The following CD79A variants were observed in gnomAD, a reference collection of about 807,000 sequenced individuals.
CD79A encodes CD79a molecule.
A neutral mutation model predicts 27.4 loss-of-function variants in CD79A; 16 were observed. That is an observed-to-expected ratio of 0.58 (90% confidence interval 0.40 to 0.89). The LOEUF is 0.89. Ranked by LOEUF, CD79A falls within the 40% of genes least tolerant of loss-of-function variation. The probability of loss-of-function intolerance (pLI) is 0.00; values close to 1 mark genes in which losing one functional copy is unlikely to be tolerated. For synonymous variants in CD79A, 110 were observed against 132.7 expected, an observed-to-expected ratio of 0.83 and a Z score of 1.18; for missense variants, 237 against 299.7, an observed-to-expected ratio of 0.79 and a Z score of 1.55.
In CD79A at chr19:41,878,731, G is replaced by A. The variant is rs2074202819; in HGVS notation, c.80-259G>A. Among the ~76,000 whole-genome samples, 1 of 151,966 alleles carries A rather than the reference G, an allele frequency of 6.6e-6. No homozygotes were observed. The highest frequency in any genetic ancestry group is 2.4e-5 in the African/African-American group (1 of 41,346). ...CCTCCCAGGGGTCTTACCATCCCAG[G>A]GAGTCTCATTCTCCTCTCCCAGGAT... On this transcript the variant is annotated intron_variant, in intron 1 of 4. Coordinates refer to ENST00000221972, the MANE Select transcript of CD79A (RefSeq NM_001783.4). The surrounding 1 kb of genome is among the most constrained non-coding windows in gnomAD (Gnocchi z 4.3).
Position 41,879,413 on chromosome 19 carries a change from G to A in CD79A, c.380-122G>A. Reference sequence around the variant, plus strand: ...TCAAACCGGCTTGGACAGAGGGACGGACATTCTCCTCTGCAGAGTGGGGTC... The same window carrying A: ...TCAAACCGGCTTGGACAGAGGGACGAACATTCTCCTCTGCAGAGTGGGGTC... On this transcript the variant is annotated intron_variant, in intron 2 of 4. Transcript: ENST00000221972. This position sits in a 1 kb window ranked among gnomAD's most constrained non-coding sequence, Gnocchi z 5.1. 8.2e-7 allele frequency: 1 copy of A among 1,219,468 alleles called. No individual in the cohort carries two copies. Among genetic ancestry groups the A allele is most frequent in the Non-Finnish European group, 1.2e-6 (1 of 855,806 alleles). The allele number at this position is 1,219,468 out of a possible 1,614,324, so 75.5% of individuals were successfully genotyped here.
In CD79A at chr19:41,881,243, T is replaced by C. The variant is rs1411465256; in HGVS notation, c.*263T>C. 1.9e-5 allele frequency: 11 copies of C among 566,352 alleles called. No homozygotes were observed. Among genetic ancestry groups the C allele is most frequent in the African/African-American group, 1.9e-4 (10 of 53,284 alleles). The allele number at this position is 566,352 out of a possible 1,614,324, so 35.1% of individuals were successfully genotyped here. On this transcript the variant is annotated 3_prime_UTR_variant, in exon 5 of 5. Coordinates refer to ENST00000221972, the MANE Select transcript of CD79A (RefSeq NM_001783.4). ...CCCCGCTGCCTTTCCCAGGCTCCCC[T>C]CACCCCAGCGGGTAATGAGCCCTTA... is the stretch of plus-strand genomic sequence containing the variant.
rs782657446 is a variant in CD79A, at chr19:41,879,244, A to G, written c.334A>G (p.Asn112Asp). ...GIYVCRVQEG[N>D]ESYQQSCGTY... ...ATACGTGTGCCGGGTCCAGGAGGGC[A>G]ACGAGTCATACCAGCAGTCCTGCGG... The change falls in exon 2 of 5, where the codon AAC becomes GAC. Residue 112 changes from asparagine to aspartate, a missense_variant. By Grantham distance (23) the Asn-to-Asp change is conservative. Transcript: ENST00000221972. The surrounding 1 kb of genome is among the most constrained non-coding windows in gnomAD (Gnocchi z 5.1). 29 of 1,613,524 alleles carry G rather than the reference A, an allele frequency of 1.8e-5. No individual in the cohort carries two copies. The highest frequency in any genetic ancestry group is 2.5e-5 in the Non-Finnish European group (29 of 1,180,014).
chr19:41,880,390 AAAGAG>A (rs2074214347), intron 3 of CD79A, among the ~76,000 whole-genome samples: 2 of 137,450 alleles, frequency 1.5e-5, no homozygotes. Flanking sequence ...AGAGAGAGAG[AAAGAG>A]AGAGAGAGAG....
rs1555843419 is a variant in CD79A at position 41,878,952 on chromosome 19, T to TC, written c.80-34dup. On this transcript the variant is annotated intron_variant, in intron 1 of 4. Transcript: ENST00000221972. The surrounding 1 kb of genome is among the most constrained non-coding windows in gnomAD (Gnocchi z 4.3). ...CCAGGGCTGGGGAAATGTGTCACCA[T>TC]CCCCAGTCCCTGACCCACCCACCCT... 6.8e-7 allele frequency: 1 copy of TC among 1,472,044 alleles called. No individual in the cohort carries two copies. Among genetic ancestry groups the TC allele is most frequent in the Admixed American group, 1.7e-5 (1 of 59,286 alleles). The allele number at this position is 1,472,044 out of a possible 1,614,324, so 91.2% of individuals were successfully genotyped here. A position where few individuals can be genotyped will look rare whatever the true frequency, so the allele number is the denominator to read the frequency against.
rs1555843509 is a variant in CD79A, at chr19:41,879,119, T to A, written c.209T>A (p.Leu70His). 5 of 1,613,994 alleles carry A rather than the reference T, an allele frequency of 3.1e-6. No individual in the cohort carries two copies. In the African/African-American group the frequency reaches 6.7e-5, roughly 22 times the overall value. Residue 70 changes from leucine (L) to histidine (H), a missense_variant, in exon 2 of 5, where the codon CTC becomes CAC. By Grantham distance (99) the Leu-to-His change is moderately conservative (BLOSUM62 -3). Transcript: ENST00000221972. This position sits in a 1 kb window ranked among gnomAD's most constrained non-coding sequence, Gnocchi z 5.1. ...NNANVTWWRVLHGNYTWPPEF... is the reference protein window; with the variant it reads ...NNANVTWWRVHHGNYTWPPEF... ...GCCAACGTCACCTGGTGGCGCGTCC[T>A]CCATGGCAACTACACGTGGCCCCCT...
In CD79A at chr19:41,879,955, C is replaced by T. The variant is rs1600632039; in HGVS notation, c.498+302C>T. 1.3e-5 allele frequency among the ~76,000 whole-genome samples: 2 copies of T among 152,226 alleles called. No homozygotes were observed. Among genetic ancestry groups the T allele is most frequent in the South Asian group, 4.2e-4 (2 of 4,816 alleles). ...TGTCCTCACTCCCCTCCTGCCCTCA[C>T]CCAGGAGTGTGGTTACCCTCCAGGT... On this transcript the variant is annotated intron_variant, in intron 3 of 4. Coordinates refer to ENST00000221972, the MANE Select transcript of CD79A (RefSeq NM_001783.4). This position sits in a 1 kb window ranked among gnomAD's most constrained non-coding sequence, Gnocchi z 5.1.
At position 41,878,137 on chromosome 19, in the gene CD79A, C is replaced by T. The variant is rs1387257364; in HGVS notation, c.79+754C>T. Among the ~76,000 whole-genome samples the T allele has an allele frequency of 1.3e-5, 2 of 152,056 alleles. No individual in the cohort carries two copies. Among genetic ancestry groups the T allele is most frequent in the Admixed American group, 6.5e-5 (1 of 15,268 alleles). ...TGGACACTGCAGCCAGCCTGAGCCG[C>T]CTCGTCTCACTCAGAGACACCCCCA... On this transcript the variant is annotated intron_variant, in intron 1 of 4. Coordinates refer to ENST00000221972, the MANE Select transcript of CD79A (RefSeq NM_001783.4). The surrounding 1 kb of genome is among the most constrained non-coding windows in gnomAD (Gnocchi z 4.3).
Position 41,879,241 on chromosome 19 carries a change from G to T in CD79A, c.331G>T (p.Gly111Cys). 1 of 1,613,602 alleles carries T rather than the reference G, an allele frequency of 6.2e-7. No homozygotes were observed. Among genetic ancestry groups the T allele is most frequent in the South Asian group, 1.1e-5 (1 of 91,088 alleles). Residue 111 changes from glycine to cysteine, a missense_variant, in exon 2 of 5, where the codon GGC becomes TGC. By Grantham distance (159) the Gly-to-Cys change is radical. Transcript: ENST00000221972. This position sits in a 1 kb window ranked among gnomAD's most constrained non-coding sequence, Gnocchi z 5.1. ...CATATACGTGTGCCGGGTCCAGGAG[G>T]GCAACGAGTCATACCAGCAGTCCTG... ...GGIYVCRVQE[G>C]NESYQQSCGT...
Position 41,879,232 on chromosome 19 carries a change from G to A in CD79A, c.322G>A (p.Val108Ile). The change falls in exon 2 of 5, where the codon GTC (valine) becomes ATC (isoleucine). Residue 108 changes from valine to isoleucine, a missense_variant. Physicochemically the swap from Val to Ile is conservative, Grantham distance 29. Transcript: ENST00000221972. This position sits in a 1 kb window ranked among gnomAD's most constrained non-coding sequence, Gnocchi z 5.1. ...CCATGGGGGCATATACGTGTGCCGGGTCCAGGAGGGCAACGAGTCATACCA... is the reference window on the plus strand; with the variant it reads ...CCATGGGGGCATATACGTGTGCCGGATCCAGGAGGGCAACGAGTCATACCA... ...KSHGGIYVCR[V>I]QEGNESYQQS... 6.2e-7 allele frequency: 1 copy of A among 1,613,662 alleles called. No homozygotes were observed. Among genetic ancestry groups the A allele is most frequent in the Non-Finnish European group, 8.5e-7 (1 of 1,179,996 alleles).
rs151224661 is a variant in CD79A at position 41,879,098 on chromosome 19, A to T, written c.188A>T (p.Asn63Ile). ...CCGCACAATAGCAGCAACAACGCCA[A>T]CGTCACCTGGTGGCGCGTCCTCCAT... ...QCPHNSSNNA[N>I]VTWWRVLHGN... Residue 63 changes from asparagine (N) to isoleucine (I), a missense_variant, in exon 2 of 5, where the codon AAC becomes ATC. Coordinates refer to ENST00000221972, the MANE Select transcript of CD79A (RefSeq NM_001783.4). The surrounding 1 kb of genome is among the most constrained non-coding windows in gnomAD (Gnocchi z 5.1). The T allele has an allele frequency of 8.7e-6, 14 of 1,613,878 alleles. No individual in the cohort carries two copies. In the South Asian group the frequency reaches 8.8e-5, roughly 10 times the overall value.
At position 41,879,211 on chromosome 19, in the gene CD79A, G is replaced by A. The variant is rs117078414; in HGVS notation, c.301G>A (p.Gly101Arg). ...LIIQNVNKSH[G>R]GIYVCRVQEG... Reference sequence around the variant, plus strand: ...CATCCAGAATGTGAACAAGAGCCATGGGGGCATATACGTGTGCCGGGTCCA... The same window carrying A: ...CATCCAGAATGTGAACAAGAGCCATAGGGGCATATACGTGTGCCGGGTCCA... The change falls in exon 2 of 5, where the codon GGG becomes AGG. Residue 101 changes from glycine (G) to arginine (R), a missense_variant. Coordinates refer to ENST00000221972, the MANE Select transcript of CD79A (RefSeq NM_001783.4). The surrounding 1 kb of genome is among the most constrained non-coding windows in gnomAD (Gnocchi z 5.1). The A allele has an allele frequency of 5.4e-5, 87 of 1,613,878 alleles. No homozygotes were observed. The East Asian group carries it at 1.7e-3, about 32-fold the overall frequency.
chr19:41,877,496 A>T lies in CD79A; in HGVS notation c.79+113A>T. The T allele has an allele frequency of 1.1e-6, 1 of 874,942 alleles. No homozygotes were observed. Among genetic ancestry groups the T allele is most frequent in the South Asian group, 1.4e-5 (1 of 73,116 alleles). The allele number at this position is 874,942 out of a possible 1,614,324, so 54.2% of individuals were successfully genotyped here. ...GGGAAAGGGGAAGAGGAGGCAGAGG[A>T]TAGGGGACCCAGGGAAGATGCCTAT... is the stretch of plus-strand genomic sequence containing the variant. On this transcript the variant is annotated intron_variant, in intron 1 of 4. Transcript: ENST00000221972. The surrounding 1 kb of genome is among the most constrained non-coding windows in gnomAD (Gnocchi z 4.1).
At chr19:41,880,311 T>C (rs1366353607) in intron 3 of CD79A, among the ~76,000 whole-genome samples, 1 of 150,082 alleles carries the variant, frequency 6.7e-6, no homozygotes, top group African/African-American at 2.5e-5. Flanking sequence ...AGCCCAGGAG[T>C]TCAAGGCTGC....
rs1449458577 is a variant in CD79A, at chr19:41,881,162, G to A, written c.*182G>A. The A allele has an allele frequency of 4.3e-5, 28 of 652,196 alleles. No homozygotes were observed. Among genetic ancestry groups the A allele is most frequent in the Non-Finnish European group, 5.3e-5 (19 of 358,656 alleles). 40.4% of individuals were successfully genotyped at this position (652,196 alleles called of 1,614,324 possible). On this transcript the variant is annotated 3_prime_UTR_variant, in exon 5 of 5. Transcript: ENST00000221972. ...GCCAGGCCTCCTTGGACTCCCCTGG[G>A]GGTGTCCCACTCTTCTTCCCTCTAA...
Position 41,881,253 on chromosome 19 carries a change from G to A in CD79A, c.*273G>A, listed in dbSNP as rs1484989522. 1.3e-5 allele frequency: 7 copies of A among 557,496 alleles called. No homozygotes were observed. In the East Asian group the frequency reaches 2.1e-4, roughly 17 times the overall value. The allele number at this position is 557,496 out of a possible 1,614,324, so 34.5% of individuals were successfully genotyped here. ...TTTCCCAGGCTCCCCTCACCCCAGC[G>A]GGTAATGAGCCCTTAATCGCTGCCT... is the stretch of plus-strand genomic sequence containing the variant. On this transcript the variant is annotated 3_prime_UTR_variant, in exon 5 of 5. Transcript: ENST00000221972.
rs1163749111 is a variant in CD79A, at chr19:41,881,195, C to A, written c.*215C>A. On this transcript the variant is annotated 3_prime_UTR_variant, in exon 5 of 5. Transcript: ENST00000221972. The stretch of plus-strand genomic sequence containing the variant: ...CACTCTTCTTCCCTCTAAACTGCCC[C>A]ACCTCCTAACCTAATCCCCCCGCCC... The A allele has an allele frequency of 1.6e-5, 10 of 617,108 alleles. No homozygotes were observed. Among genetic ancestry groups the A allele is most frequent in the Admixed American group, 2.5e-5 (1 of 40,246 alleles). 38.2% of individuals were successfully genotyped at this position (617,108 alleles called of 1,614,324 possible).
In CD79A at chr19:41,880,451, GGGAAGGAAGGAAGGAAGGAAGGAA is replaced by G. The variant is rs782467863; in HGVS notation, c.499-187_499-164del. 1.8e-3 allele frequency among the ~76,000 whole-genome samples: 186 copies of G among 102,576 alleles called. 1 individual carries two copies. The highest frequency in any genetic ancestry group is 6.3e-3 in the African/African-American group (173 of 27,262). 67.3% of individuals were successfully genotyped at this position (102,576 alleles called of 152,430 possible). ...AGAGGGAGGGAGGGAAGGAAGGGAA[GGGAAGGAAGGAAGGAAGGAAGGAA>G]GGAAGGAAGGAAGGAAGGAAGGAAG... On this transcript the variant is annotated intron_variant, in intron 3 of 4. Coordinates refer to ENST00000221972, the MANE Select transcript of CD79A (RefSeq NM_001783.4).
chr19:41,879,201 C>T lies in CD79A; in HGVS notation c.291C>T (p.Asn97=), dbSNP rs2074206164. The T allele has an allele frequency of 6.2e-7, 1 of 1,614,000 alleles. No individual in the cohort carries two copies. Among genetic ancestry groups the T allele is most frequent in the Non-Finnish European group, 8.5e-7 (1 of 1,180,018 alleles). Reference sequence around the variant, plus strand: ...GTACGCTGATCATCCAGAATGTGAACAAGAGCCATGGGGGCATATACGTGT... The same window carrying T: ...GTACGCTGATCATCCAGAATGTGAATAAGAGCCATGGGGGCATATACGTGT... ...PNGTLIIQNV[N]KSHGGIYVCR... is the part of the protein sequence containing the mutation. The change falls in exon 2 of 5, where the codon AAC becomes AAT. Residue 97 remains asparagine (N), a synonymous_variant. Transcript: ENST00000221972. This position sits in a 1 kb window ranked among gnomAD's most constrained non-coding sequence, Gnocchi z 5.1.
Sources: allele counts gnomAD v4.1 joint callset (sites outside exome capture counted in the v4.1 genomes callset), GRCh38; gene constraint gnomAD v4.1.1; non-coding constraint Gnocchi (gnomAD v3.1); transcripts MANE v1.5; gene names NCBI Gene and HGNC (gene_info 2026-07-23, HGNC 2026-07-21).